Variants in TEX9 observed in about 807,000 individuals in gnomAD.
TEX9 encodes the protein testis expressed 9, also known as testis-expressed protein 9.
Under a neutral mutation model 59.6 loss-of-function variants are expected in TEX9, and 74 were observed. The observed-to-expected ratio is 1.24, with a 90% CI of 1.03 to 1.51. The LOEUF (loss-of-function observed/expected upper bound fraction) is 1.51. Among genes scored for constraint, TEX9 ranks in the 40% most tolerant of loss-of-function variants. The pLI is 0.00. For missense variants in TEX9, 522 were observed against 447.8 expected, an observed-to-expected ratio of 1.17 and a Z score of -1.49; for synonymous variants, 186 against 152.2, an observed-to-expected ratio of 1.22 and a Z score of -1.64.
chr15:56,305,140 C>T (rs1466572510), intron 1 of TEX9, among the ~76,000 whole-genome samples: 1 of 152,014 alleles, frequency 6.6e-6, no homozygotes, highest in Non-Finnish European at 1.5e-5. Flanking sequence ...AGACACAAAA[C>T]ATGGAAAAAT....
At chr15:56,394,470 C>A (rs1206734646) in intron 8 of TEX9, 191 bp from the exon 9 acceptor site, 1 of 624,418 alleles carries the variant, frequency 1.6e-6, no homozygotes, top group Non-Finnish European at 2.7e-6. Context: ...ATTAGTCTTA[C>A]AAATGTAGTG....
intron 1 of TEX9, among the ~76,000 whole-genome samples, chr15:56,308,119 T>C (rs1201259433): frequency 5.3e-5 from 8 of 152,184 alleles, no homozygotes; most frequent in African/African-American, 1.9e-4. Context: ...GGTCTTTAGG[T>C]AACCACATTT....
intron 1 of TEX9, among the ~76,000 whole-genome samples, chr15:56,288,588 T>C (rs2045007952): frequency 1.3e-5 from 2 of 152,294 alleles, no homozygotes; most frequent in South Asian, 4.1e-4. Context: ...GTAAGGTTTC[T>C]GCTGAGAAAC....
intron 3 of TEX9, among the ~76,000 whole-genome samples, chr15:56,376,888 C>A (rs759700737): frequency 5.3e-4 from 81 of 152,038 alleles, no homozygotes; most frequent in Non-Finnish European, 8.7e-4. Context: ...GTTTTGAGAT[C>A]TTAGATTTAA....
At chr15:56,287,230 A>G (rs2044975596) in intron 1 of TEX9, among the ~76,000 whole-genome samples, 1 of 152,180 alleles carries the variant, frequency 6.6e-6, no homozygotes, top group Non-Finnish European at 1.5e-5. Context: ...CCACAACTAG[A>G]GTAGAAACTT....
intron 1 of TEX9, among the ~76,000 whole-genome samples, chr15:56,285,760 C>G (rs2044938141): frequency 6.6e-6 from 1 of 152,070 alleles, no homozygotes; most frequent in East Asian, 1.9e-4. Context: ...GTTAAATCCC[C>G]AAATTCTTTA....
rs747186147 is a variant in TEX9, at chr15:56,383,951, G to A, written c.184-1G>A. On this transcript the variant is annotated splice_acceptor_variant, in intron 3 of 12. Coordinates refer to ENST00000352903, the Ensembl canonical transcript of TEX9. LOFTEE classifies it high-confidence loss of function. ...ATATTACCTATCTTTACTCATTTAA[G>A]AGAGATCGGCAAGAAGTACGATCTA... 3 of 1,608,894 alleles carry A rather than the reference G, an allele frequency of 1.9e-6. No homozygotes were observed. The South Asian group carries it at 3.3e-5, about 18-fold the overall frequency.
chr15:56,276,856 G>T (rs143765936), intron 1 of TEX9, among the ~76,000 whole-genome samples: 23 of 151,244 alleles, frequency 1.5e-4, no homozygotes, highest in African/African-American at 4.8e-4. Flanking sequence ...CCTGATAGCC[G>T]TTCTAACTGG....
chr15:56,380,175 G>A (rs1338629623), intron 3 of TEX9, among the ~76,000 whole-genome samples: 5 of 151,686 alleles, frequency 3.3e-5, no homozygotes, highest in Admixed American at 2.0e-4. Flanking sequence ...TTTTTGTGTG[G>A]TCATTGTATG....
At chr15:56,370,275 T>C (rs1228961848) in intron 2 of TEX9, among the ~76,000 whole-genome samples, 1 of 152,152 alleles carries the variant, frequency 6.6e-6, no homozygotes, top group African/African-American at 2.4e-5. Context: ...AATTAGATAA[T>C]ATTTTACTTT....
At chr15:56,343,458 T>C (rs1323941440) in intron 1 of TEX9, among the ~76,000 whole-genome samples, 1 of 152,124 alleles carries the variant, frequency 6.6e-6, no homozygotes, top group Non-Finnish European at 1.5e-5. Flanking sequence ...TAAAAGTTGG[T>C]ATTTTGGAAA....
intron 1 of TEX9, among the ~76,000 whole-genome samples, chr15:56,271,686 G>A (rs1384409525): frequency 1.3e-5 from 2 of 152,140 alleles, no homozygotes; most frequent in Non-Finnish European, 2.9e-5. Flanking sequence ...CTTATGATTA[G>A]TGTTTGTATG....
At chr15:56,384,785 G>A (rs908016554) in intron 4 of TEX9, among the ~76,000 whole-genome samples, 4 of 152,160 alleles carry the variant, frequency 2.6e-5, no homozygotes, top group Non-Finnish European at 5.9e-5. Context: ...TGGTAAATTG[G>A]GAGGCACAAC....
chr15:56,420,377 G>T (rs182687070), intron 10 of TEX9, among the ~76,000 whole-genome samples: 2 of 151,064 alleles, frequency 1.3e-5, no homozygotes, highest in African/African-American at 4.9e-5. Flanking sequence ...GCGCAAACTT[G>T]GCTCACTGCA....
At position 56,289,910 on chromosome 15, in the gene TEX9, T is replaced by C. The variant is rs143520513; in HGVS notation, c.-107+45632T>C. 2.1e-3 allele frequency among the ~76,000 whole-genome samples: 327 copies of C among 152,300 alleles called. 2 individuals carry two copies. Among genetic ancestry groups the C allele is most frequent in the Admixed American group, 4.4e-3 (67 of 15,298 alleles). Reference sequence around the variant, plus strand: ...GGAGCCAAGAATGGGAGCACAGACATGCTCGGAGTTACAAAGTCTTTGGCA... The same window carrying C: ...GGAGCCAAGAATGGGAGCACAGACACGCTCGGAGTTACAAAGTCTTTGGCA... On this transcript the variant is annotated intron_variant, in intron 1 of 5. Transcript: ENST00000560827.
chr15:56,424,862 A>G lies in TEX9; in HGVS notation c.964-2743A>G, dbSNP rs748992664. ...TTACTGGGGAATTTCATATTTGCAT[A>G]TAGCTTTGAATTATTGTCTAGTATC... On this transcript the variant is annotated intron_variant, in intron 10 of 12. Coordinates refer to ENST00000352903, the Ensembl canonical transcript of TEX9. Among the ~76,000 whole-genome samples, 18 of 152,272 alleles carry G rather than the reference A, an allele frequency of 1.2e-4. No individual in the cohort carries two copies. In the South Asian group the frequency reaches 2.5e-3, roughly 21 times the overall value.
chr15:56,373,323 T>C lies in TEX9; in HGVS notation c.120-118T>C, dbSNP rs149545556. On this transcript the variant is annotated intron_variant, in intron 2 of 12. Transcript: ENST00000352903. ...GGCTGTGTTCATTTTAGAGTAAGAA[T>C]GCCATATGTATATTTTGGCATTTGT... The C allele has an allele frequency of 2.4e-4, 197 of 827,080 alleles. 2 individuals are homozygous for C. The African/African-American group carries it at 3.2e-3, about 13-fold the overall frequency. 51.2% of individuals were successfully genotyped at this position (827,080 alleles called of 1,614,324 possible).
intron 12 of TEX9, among the ~76,000 whole-genome samples, chr15:56,434,684 A>G (rs1309448099): frequency 6.6e-6 from 1 of 152,148 alleles, no homozygotes; most frequent in Non-Finnish European, 1.5e-5. Flanking sequence ...GAGCTGTTAC[A>G]AAAGCCTTTT....
At chr15:56,404,275 T>G (rs1393319016) in intron 9 of TEX9, among the ~76,000 whole-genome samples, 1 of 151,998 alleles carries the variant, frequency 6.6e-6, no homozygotes, top group Non-Finnish European at 1.5e-5. Context: ...ACAAAGAACT[T>G]AAACAAATTT....
Sources: allele counts gnomAD v4.1 joint callset (sites outside exome capture counted in the v4.1 genomes callset), GRCh38; gene constraint gnomAD v4.1.1; transcripts MANE v1.5; gene names NCBI Gene and HGNC (gene_info 2026-07-23, HGNC 2026-07-21).